Variants in NCAM2 observed in about 807,000 individuals in gnomAD.
NCAM2 encodes N-CAM-2.
A neutral mutation model predicts 98.1 loss-of-function variants in NCAM2; 30 were observed. The observed-to-expected ratio is 0.31, with a 90% CI of 0.23 to 0.41. The LOEUF (loss-of-function observed/expected upper bound fraction) is 0.41. Ranked by LOEUF, NCAM2 falls within the 10% of genes least tolerant of loss-of-function variation. The pLI, the probability that NCAM2 is intolerant of heterozygous loss-of-function variation, is 1.00. For synonymous variants in NCAM2, 368 were observed against 342.4 expected, an observed-to-expected ratio of 1.07 and a Z score of -0.83; for missense variants, 867 against 1,005.8, an observed-to-expected ratio of 0.86 and a Z score of 1.87.
intron 10 of NCAM2, among the ~76,000 whole-genome samples, chr21:21,414,794 G>A (rs113343797): frequency 6.2e-4 from 94 of 152,158 alleles, no homozygotes; most frequent in Middle Eastern, 3.4e-3. Flanking sequence ...TAAGTACTAG[G>A]ACTTGAAAGT....
chr21:21,436,715 C>A (rs543505472), intron 12 of NCAM2, among the ~76,000 whole-genome samples: 1 of 151,604 alleles, frequency 6.6e-6, no homozygotes, highest in Non-Finnish European at 1.5e-5. Context: ...TTAAGTGAAT[C>A]CATTATACAT....
chr21:21,344,112 C>T (rs570310528), intron 8 of NCAM2, among the ~76,000 whole-genome samples: 12 of 152,290 alleles, frequency 7.9e-5, no homozygotes, highest in East Asian at 1.9e-4. Context: ...ATCTCCCAAA[C>T]GGTGTTTCTA....
intron 1 of NCAM2, among the ~76,000 whole-genome samples, chr21:21,186,742 CATG>C (rs1174572789): frequency 3.3e-5 from 5 of 152,044 alleles, no homozygotes; most frequent in Admixed American, 2.0e-4. Context: ...AGATGATCTA[CATG>C]ATGATGAAGA....
intron 15 of NCAM2, among the ~76,000 whole-genome samples, chr21:21,484,777 C>T: frequency 6.6e-6 from 1 of 152,108 alleles, no homozygotes; most frequent in South Asian, 2.1e-4. Flanking sequence ...GAAGGAAATT[C>T]AATCGGGATT....
intron 1 of NCAM2, among the ~76,000 whole-genome samples, chr21:21,074,539 T>G (rs1445890000): frequency 6.6e-6 from 1 of 152,154 alleles, no homozygotes; most frequent in Non-Finnish European, 1.5e-5. Flanking sequence ...TGGAAAGGGA[T>G]CTCCTCTGAC....
At chr21:21,024,174 C>A (rs1469299896) in intron 1 of NCAM2, among the ~76,000 whole-genome samples, 2 of 152,206 alleles carry the variant, frequency 1.3e-5, no homozygotes, top group African/African-American at 2.4e-5. Context: ...TGCATGAATG[C>A]TGACAATCTG....
chr21:21,116,263 A>G (rs1269984883), intron 1 of NCAM2, among the ~76,000 whole-genome samples: 1 of 152,036 alleles, frequency 6.6e-6, no homozygotes, highest in Admixed American at 6.6e-5. Context: ...TGAAAACACC[A>G]CTCTGACCAG....
Position 21,369,357 on chromosome 21 carries a change from T to G in NCAM2, c.1045-4506T>G, listed in dbSNP as rs543186747. Among the ~76,000 whole-genome samples, 59 of 152,058 alleles carry G rather than the reference T, an allele frequency of 3.9e-4. No homozygotes were observed. The South Asian group carries it at 0.012, about 32-fold the overall frequency. On this transcript the variant is annotated intron_variant, in intron 8 of 17. Coordinates refer to ENST00000400546, the MANE Select transcript of NCAM2 (RefSeq NM_004540.5). ...CCTTTGTATGTTTATACCACTTGTTTTTTTCAATCCATGCACCAGTAAATA... is the reference window on the plus strand; with the variant it reads ...CCTTTGTATGTTTATACCACTTGTTGTTTTCAATCCATGCACCAGTAAATA...
At chr21:21,056,845 C>G (rs2065222999) in intron 1 of NCAM2, among the ~76,000 whole-genome samples, 1 of 151,962 alleles carries the variant, frequency 6.6e-6, no homozygotes, top group South Asian at 2.1e-4. Context: ...TCAGGGTGCT[C>G]TTTCATAATT....
intron 12 of NCAM2, among the ~76,000 whole-genome samples, chr21:21,441,975 G>C (rs150070485): frequency 7.9e-4 from 120 of 152,262 alleles, no homozygotes; most frequent in African/African-American, 2.8e-3. Flanking sequence ...GCAGACTCTT[G>C]TATCTTTTCT....
intron 8 of NCAM2, among the ~76,000 whole-genome samples, chr21:21,363,329 A>G (rs1276152602): frequency 1.3e-5 from 2 of 152,260 alleles, no homozygotes; most frequent in East Asian, 3.9e-4. Flanking sequence ...TGTTTAGATC[A>G]GCATCATAAG....
At chr21:21,164,756 G>T (rs1256414683) in intron 1 of NCAM2, among the ~76,000 whole-genome samples, 1 of 152,022 alleles carries the variant, frequency 6.6e-6, no homozygotes, top group African/African-American at 2.4e-5. Flanking sequence ...AATGTTAATT[G>T]AGTGATTACT....
intron 10 of NCAM2, among the ~76,000 whole-genome samples, chr21:21,416,180 G>A (rs1387299221): frequency 6.6e-6 from 1 of 152,086 alleles, no homozygotes; most frequent in Non-Finnish European, 1.5e-5. Context: ...TAATATTATT[G>A]TGTCTCACAG....
At chr21:21,123,398 TC>T (rs532707490) in intron 1 of NCAM2, among the ~76,000 whole-genome samples, 70 of 14,266 alleles carry the variant, frequency 4.9e-3, no homozygotes, top group Admixed American at 0.011. Context: ...AGACTCCCTC[TC>T]AAAAAAAAAA....
chr21:21,292,501 T>C (rs2073334557), intron 5 of NCAM2, among the ~76,000 whole-genome samples: 1 of 151,932 alleles, frequency 6.6e-6, no homozygotes, highest in African/African-American at 2.4e-5. Context: ...TTGCTGGAAT[T>C]GTAGTTGTTG....
At chr21:21,158,212 A>G (rs897883767) in intron 1 of NCAM2, among the ~76,000 whole-genome samples, 1 of 152,206 alleles carries the variant, frequency 6.6e-6, no homozygotes, top group Non-Finnish European at 1.5e-5. Flanking sequence ...ATTCTCTTCT[A>G]TGTTAATCTG....
chr21:21,106,065 A>AT (rs992555198), intron 1 of NCAM2, among the ~76,000 whole-genome samples: 23 of 152,072 alleles, frequency 1.5e-4, no homozygotes, highest in African/African-American at 5.1e-4. Context: ...AAAAGGCAGT[A>AT]TTTACCAAAA....
rs886732266 is a variant in NCAM2 at position 21,176,221 on chromosome 21, T to C, written c.56-104357T>C. On this transcript the variant is annotated intron_variant, in intron 1 of 17. Coordinates refer to ENST00000400546, the MANE Select transcript of NCAM2 (RefSeq NM_004540.5). ...ACTGTGTTACCATCTCTGAATCACTTGACTGGAACTCTTAGATCAAATCAA... is the reference window on the plus strand; with the variant it reads ...ACTGTGTTACCATCTCTGAATCACTCGACTGGAACTCTTAGATCAAATCAA... Among the ~76,000 whole-genome samples the C allele has an allele frequency of 1.1e-4, 16 of 152,184 alleles. 2 individuals are homozygous for C. The highest frequency in any genetic ancestry group is 1.0e-3 in the Admixed American group (16 of 15,278).
At chr21:21,161,216 A>G (rs1379458066) in intron 1 of NCAM2, among the ~76,000 whole-genome samples, 2 of 152,068 alleles carry the variant, frequency 1.3e-5, no homozygotes, top group Non-Finnish European at 2.9e-5. Flanking sequence ...CTTAAGACAG[A>G]ATGAAGATTA....
Sources: gnomAD v4.1 joint callset for allele counts (sites outside exome capture counted in the v4.1 genomes callset) on GRCh38, gnomAD v4.1.1 for gene constraint, MANE v1.5 for transcripts, NCBI Gene and HGNC (gene_info 2026-07-23, HGNC 2026-07-21) for gene names.